Variants in ACOT1 observed in about 807,000 individuals in gnomAD.
ACOT1 encodes acyl-coenzyme A thioesterase 1.
ACOT1 carries 8 observed loss-of-function variants against 15.7 expected under a neutral mutation model. That is an observed-to-expected ratio of 0.51 (90% CI 0.30 to 0.92). The LOEUF is 0.92. Ranked by LOEUF, ACOT1 falls within the 40% of genes least tolerant of loss-of-function variation. ACOT1 has a pLI of 0.06. For synonymous variants in ACOT1, 67 were observed against 241.2 expected, an observed-to-expected ratio of 0.28 and a Z score of 6.69; for missense variants, 151 against 539.4, an observed-to-expected ratio of 0.28 and a Z score of 7.13.
chr14:73,517,792 GAGAAA>G, the ACOT1 span, among the ~76,000 whole-genome samples: 1 of 151,386 alleles, frequency 6.6e-6, no homozygotes, highest in African/African-American at 2.4e-5. Flanking sequence ...AGGGAGGAAG[GAGAAA>G]AGAAAAAGAG....
At chr14:73,497,360 G>A in the ACOT1 span, among the ~76,000 whole-genome samples, 15,040 of 152,156 alleles carry the variant, frequency 0.099, 1,116 homozygotes, top group Non-Finnish European at 0.14. Flanking sequence ...ATTTGAAGGT[G>A]CCAATAGGTA....
the ACOT1 span, chr14:73,491,205 C>G: frequency 1.3e-6 from 2 of 1,593,918 alleles, no homozygotes; most frequent in East Asian, 2.3e-5. Flanking sequence ...AGCGAGAACT[C>G]GGAGGAATCG....
chr14:73,491,160 C>T, the ACOT1 span: 1 of 1,605,530 alleles, frequency 6.2e-7, no homozygotes, highest in Middle Eastern at 1.7e-4. Flanking sequence ...AGTGTTGTAT[C>T]CCGCATGGCA....
At chr14:73,520,855 A>G in the ACOT1 span, 5 of 1,613,482 alleles carry the variant, frequency 3.1e-6, no homozygotes, top group Non-Finnish European at 4.2e-6. Context: ...CTATTACCAA[A>G]GTAAATCTCC....
At chr14:73,535,469 C>CTTTTTTTTTTTTTTTTTTTTTTTTT (rs869167008), upstream of ACOT1, among the ~76,000 whole-genome samples, 12 of 16,530 alleles carry the variant, frequency 7.3e-4, 4 homozygotes, top group Non-Finnish European at 2.2e-3. Flanking sequence ...TTTCTTCTTT[C>CTTTTTTTTTTTTTTTTTTTTTTTTT]TTTTTTTTTT....
At chr14:73,523,242 G>T in the ACOT1 span, 3 of 1,305,982 alleles carry the variant, frequency 2.3e-6, no homozygotes, top group African/African-American at 4.4e-5. Context: ...GGGAATGGGA[G>T]GAACTGATGA....
the ACOT1 span, chr14:73,521,067 A>C: frequency 1.3e-6 from 2 of 1,592,036 alleles, no homozygotes; most frequent in Non-Finnish European, 1.7e-6. Context: ...AGGAGGGAAA[A>C]GGGGGAAAGA....
the ACOT1 span, chr14:73,492,603 G>C: frequency 1.2e-6 from 2 of 1,613,930 alleles, no homozygotes; most frequent in South Asian, 2.2e-5. This position sits in a 1 kb window ranked among gnomAD's most constrained non-coding sequence, Gnocchi z 4.9. Flanking sequence ...CTTCCAATTC[G>C]CTGGGAGGCT....
At chr14:73,507,911 A>AT in the ACOT1 span, among the ~76,000 whole-genome samples, 15 of 151,846 alleles carry the variant, frequency 9.9e-5, no homozygotes, top group Middle Eastern at 3.2e-3. Context: ...CACCTGTCTA[A>AT]TTTTTTTATT....
At chr14:73,509,737 T>C in the ACOT1 span, among the ~76,000 whole-genome samples, 1 of 144,464 alleles carries the variant, frequency 6.9e-6, no homozygotes, top group African/African-American at 2.6e-5. Context: ...CGAAGAAGAA[T>C]GTTTCCAGCT....
the ACOT1 span, chr14:73,491,552 C>CCGGCCTGGGACTCCCCGCTGCGGCGCGT: frequency 1.3e-6 from 2 of 1,535,162 alleles, no homozygotes; most frequent in Non-Finnish European, 1.7e-6. Flanking sequence ...GGGTGGGGAG[C>CCGGCCTGGGACTCCCCGCTGCGGCGCGT]CGGCCTGGGA....
At chr14:73,533,925 G>T (rs1487293920), upstream of ACOT1, among the ~76,000 whole-genome samples, 1 of 103,668 alleles carries the variant, frequency 9.6e-6, no homozygotes, top group Non-Finnish European at 2.0e-5. Context: ...GGCCATGCAT[G>T]CCTACAATCC....
the ACOT1 span, among the ~76,000 whole-genome samples, chr14:73,494,614 G>C: frequency 6.6e-6 from 1 of 152,120 alleles, no homozygotes; most frequent in Admixed American, 6.6e-5. Flanking sequence ...ACAGTGGTGA[G>C]ATATTGGGTT....
At chr14:73,509,067 A>G in the ACOT1 span, among the ~76,000 whole-genome samples, 1 of 152,064 alleles carries the variant, frequency 6.6e-6, no homozygotes, top group East Asian at 1.9e-4. Context: ...GGGTCTTGTT[A>G]TGTTGCCCAG....
At chr14:73,493,836 T>TCAAAAA in the ACOT1 span, among the ~76,000 whole-genome samples, 1 of 152,212 alleles carries the variant, frequency 6.6e-6, no homozygotes, top group Non-Finnish European at 1.5e-5. Flanking sequence ...AGACTCCGTC[T>TCAAAAA]CAAAAACAAA....
chr14:73,538,947 G>T lies in ACOT1; in HGVS notation c.457+1069G>T, dbSNP rs1415935862. Reference sequence around the variant, plus strand: ...CACGCCATTGTACTCCAGCCTGGGGGACAAGAGTGAAACTCCATCTAAAAC... The same window carrying T: ...CACGCCATTGTACTCCAGCCTGGGGTACAAGAGTGAAACTCCATCTAAAAC... On this transcript the variant is annotated intron_variant, in intron 1 of 2. Coordinates refer to ENST00000311148, the MANE Select transcript of ACOT1 (RefSeq NM_001037161.2). 1.7e-5 allele frequency among the ~76,000 whole-genome samples: 2 copies of T among 115,182 alleles called. 1 individual carries two copies. Among genetic ancestry groups the T allele is most frequent in the Non-Finnish European group, 3.8e-5 (2 of 52,836 alleles). The allele number at this position is 115,182 out of a possible 152,430, so 75.6% of individuals were successfully genotyped here.
chr14:73,496,584 A>C, the ACOT1 span: 1 of 1,539,498 alleles, frequency 6.5e-7, no homozygotes, highest in Non-Finnish European at 9.0e-7. Context: ...TTGAGAACAG[A>C]GCTTGCACTT....
In ACOT1 at chr14:73,542,960, G is replaced by A; in HGVS notation, c.661-90G>A. ...ATGGTAGAACCCAGATTCAGACTCA[G>A]GTTCAACTAACTTCCAGGGTGGGCA... is the stretch of plus-strand genomic sequence containing the variant. On this transcript the variant is annotated intron_variant, in intron 2 of 2. Transcript: ENST00000311148. 2 of 1,188,806 alleles carry A rather than the reference G, an allele frequency of 1.7e-6. 1 individual carries two copies. The highest frequency in any genetic ancestry group is 2.2e-6 in the Non-Finnish European group (2 of 895,470). The allele number at this position is 1,188,806 out of a possible 1,614,324, so 73.6% of individuals were successfully genotyped here. A position where few individuals can be genotyped will look rare whatever the true frequency, so the allele number is the denominator to read the frequency against.
the ACOT1 span, chr14:73,492,052 G>C: frequency 6.2e-7 from 1 of 1,613,992 alleles, no homozygotes; most frequent in African/African-American, 1.3e-5. The surrounding 1 kb of genome is among the most constrained non-coding windows in gnomAD (Gnocchi z 4.9). Flanking sequence ...ACGACATCGA[G>C]GCCTTCGTGC....
Sources: gnomAD v4.1 joint callset for allele counts (sites outside exome capture counted in the v4.1 genomes callset) on GRCh38, gnomAD v4.1.1 for gene constraint, Gnocchi (gnomAD v3.1) non-coding constraint, MANE v1.5 for transcripts, NCBI Gene and HGNC (gene_info 2026-07-23, HGNC 2026-07-21) for gene names.